CDIP1: variants seen among roughly 807,000 people sequenced by gnomAD.
The protein encoded by CDIP1 is cell death inducing p53 target 1, also known as cell death-inducing p53-target protein 1.
Under a neutral mutation model 17.7 loss-of-function variants are expected in CDIP1, and 9 were observed. The observed-to-expected ratio is 0.51, with a 90% confidence interval of 0.31 to 0.89. CDIP1 has a LOEUF of 0.89. Ranked by LOEUF, CDIP1 falls within the 40% of genes least tolerant of loss-of-function variation. The pLI, the probability that CDIP1 is intolerant of heterozygous loss-of-function variation, is 0.05. For missense variants in CDIP1, 263 were observed against 277.9 expected (o/e 0.95, Z 0.38); for synonymous variants, 117 against 109.5 (o/e 1.07, Z -0.43).
rs1284187298 is a variant in CDIP1 at position 4,510,801 on chromosome 16, C to G, written c.*1771G>C. ...TAGGGAAACTCTTTAAACTACTGAC[C>G]AAGACTGCCACCTTCATAATTCAGA... On this transcript the variant is annotated 3_prime_UTR_variant, in exon 6 of 6. Coordinates refer to ENST00000567695, the MANE Select transcript of CDIP1 (RefSeq NM_013399.3). 2 of 152,126 alleles carry G rather than the reference C, an allele frequency of 1.3e-5. No individual in the cohort carries two copies. The highest frequency in any genetic ancestry group is 2.9e-5 in the Non-Finnish European group (2 of 68,034). 9.4% of individuals were successfully genotyped at this position (152,126 alleles called of 1,614,324 possible). A position where few individuals can be genotyped will look rare whatever the true frequency, so the allele number is the denominator to read the frequency against.
At chr16:4,536,952 T>C (rs1395589043) in intron 1 of CDIP1, among the ~76,000 whole-genome samples, 2 of 152,036 alleles carry the variant, frequency 1.3e-5, no homozygotes, top group East Asian at 3.9e-4. Flanking sequence ...AATGAACCTT[T>C]GTAAGAGAAC....
chr16:4,512,985 GCCAGGGTAGGGC>G lies in CDIP1; in HGVS notation c.309_320del (p.Tyr105_Pro108del), dbSNP rs1436072920. On this transcript the variant is annotated inframe_deletion, in exon 5 of 6. Transcript: ENST00000567695. The surrounding 1 kb of genome is among the most constrained non-coding windows in gnomAD (Gnocchi z 4.6). ...GGACTGTGGCTGTGTGGCCCCCAGG[GCCAGGGTAGGGC>G]CCTGGCGTGTAGGGCCCTGGGGGGT... is the stretch of plus-strand genomic sequence containing the variant. 6.3e-7 allele frequency: 1 copy of G among 1,589,592 alleles called. No individual in the cohort carries two copies. Among genetic ancestry groups the G allele is most frequent in the East Asian group, 2.3e-5 (1 of 44,002 alleles).
intron 1 of CDIP1, among the ~76,000 whole-genome samples, chr16:4,525,236 G>A (rs1021585783): frequency 2.6e-5 from 4 of 152,200 alleles, no homozygotes; most frequent in Non-Finnish European, 5.9e-5. Context: ...CAGAGGCCAA[G>A]GCATGGGGAA....
intron 1 of CDIP1, among the ~76,000 whole-genome samples, chr16:4,519,061 A>C (rs1329919585): frequency 6.6e-6 from 1 of 152,170 alleles, no homozygotes; most frequent in Non-Finnish European, 1.5e-5. Context: ...TATTAATTGC[A>C]AACAAAATAG....
Position 4,512,910 on chromosome 16 carries a change from G to T in CDIP1, c.396C>A (p.Ile132=). Residue 132 remains isoleucine (I), a synonymous_variant, in exon 5 of 6, where the codon ATC becomes ATA. Transcript: ENST00000567695. This position sits in a 1 kb window ranked among gnomAD's most constrained non-coding sequence, Gnocchi z 4.6. The part of the protein sequence containing the change: ...ATTVTVLQGE[I]FEGAPVQTVC... ...CCGTCTGCACAGGCGCTCCCTCAAAGATCTCTCCCTGCAGCACTGTCACCG... is the reference window on the plus strand; with the variant it reads ...CCGTCTGCACAGGCGCTCCCTCAAATATCTCTCCCTGCAGCACTGTCACCG... The T allele has an allele frequency of 1.3e-6, 2 of 1,574,314 alleles. No individual in the cohort carries two copies. Among genetic ancestry groups the T allele is most frequent in the Non-Finnish European group, 8.6e-7 (1 of 1,159,824 alleles).
chr16:4,533,443 A>T lies in CDIP1; in HGVS notation c.-105+5259T>A, dbSNP rs554269567. On this transcript the variant is annotated intron_variant, in intron 1 of 5. Coordinates refer to ENST00000567695, the MANE Select transcript of CDIP1 (RefSeq NM_013399.3). ...AGCTTGGCTGCTGCTCTAGGCAGGA[A>T]CTCTGCTCTCCAGCCAGAGGACCCT... 6.6e-5 allele frequency: 10 copies of T among 152,256 alleles called. 1 individual carries two copies. The South Asian group carries it at 1.9e-3, about 28-fold the overall frequency. 9.4% of individuals were successfully genotyped at this position (152,256 alleles called of 1,614,324 possible). A position where few individuals can be genotyped will look rare whatever the true frequency, so the allele number is the denominator to read the frequency against.
chr16:4,538,773 T>C lies in CDIP1; in HGVS notation c.-176A>G, dbSNP rs1256914594. ...CCTCGGCAGCTGGCAGTCGCACTTC[T>C]GTCACAAGGAGGCGGGTAGACTTTG... On this transcript the variant is annotated 5_prime_UTR_variant, in exon 1 of 6. Coordinates refer to ENST00000567695, the MANE Select transcript of CDIP1 (RefSeq NM_013399.3). 6.6e-6 allele frequency: 1 copy of C among 152,058 alleles called. No homozygotes were observed. Among genetic ancestry groups the C allele is most frequent in the Non-Finnish European group, 1.5e-5 (1 of 68,028 alleles). The allele number at this position is 152,058 out of a possible 1,614,324, so 9.4% of individuals were successfully genotyped here.
At chr16:4,524,527 A>G (rs1283028395) in intron 1 of CDIP1, among the ~76,000 whole-genome samples, 1 of 152,182 alleles carries the variant, frequency 6.6e-6, no homozygotes, top group Non-Finnish European at 1.5e-5. Flanking sequence ...TGTCCAGACC[A>G]TAAGAAGGCA....
intron 1 of CDIP1, among the ~76,000 whole-genome samples, chr16:4,533,946 T>TG (rs1471214022): frequency 6.6e-6 from 1 of 152,134 alleles, no homozygotes; most frequent in Admixed American, 6.6e-5. Flanking sequence ...GTGGACCTCC[T>TG]GTGCCATTCT....
At chr16:4,535,390 A>G (rs1273863653) in intron 1 of CDIP1, among the ~76,000 whole-genome samples, 1 of 152,224 alleles carries the variant, frequency 6.6e-6, no homozygotes, top group Non-Finnish European at 1.5e-5. Context: ...ATGGTCCAGT[A>G]TTACCAAAAA....
intron 1 of CDIP1, among the ~76,000 whole-genome samples, chr16:4,531,861 T>C (rs2059059812): frequency 6.6e-6 from 1 of 152,258 alleles, no homozygotes; most frequent in African/African-American, 2.4e-5. Context: ...TCACATGCGT[T>C]CCATTTACAT....
Position 4,514,670 on chromosome 16 carries a change from T to G in CDIP1, c.-104-6A>C, listed in dbSNP as rs1365548761. 1 of 153,710 alleles carries G rather than the reference T, an allele frequency of 6.5e-6. No individual in the cohort carries two copies. The highest frequency in any genetic ancestry group is 2.4e-5 in the African/African-American group (1 of 41,498). 9.5% of individuals were successfully genotyped at this position (153,710 alleles called of 1,614,324 possible). On this transcript the variant is annotated splice_region_variant and splice_polypyrimidine_tract_variant and intron_variant, in intron 1 of 5. Transcript: ENST00000567695. The surrounding 1 kb of genome is among the most constrained non-coding windows in gnomAD (Gnocchi z 5.2). ...AACAGGCAGGGCTCCGGGAGCTGTTTCAGGGGAAGGAAAGGCAGGGCCCTC... is the reference window on the plus strand; with the variant it reads ...AACAGGCAGGGCTCCGGGAGCTGTTGCAGGGGAAGGAAAGGCAGGGCCCTC...
intron 1 of CDIP1, among the ~76,000 whole-genome samples, chr16:4,524,843 C>T (rs772564273): frequency 3.3e-5 from 5 of 152,156 alleles, no homozygotes; most frequent in Non-Finnish European, 7.3e-5. Context: ...GTGGCTCACA[C>T]CTGTAATTCC....
At position 4,520,658 on chromosome 16, in the gene CDIP1, A is replaced by G. The variant is rs115242382; in HGVS notation, c.-104-5994T>C. ...AATCACATTGCTGGTATCACTACCA[A>G]TGTCATTAAAGTCACTAAATATTGT... On this transcript the variant is annotated intron_variant, in intron 1 of 5. Transcript: ENST00000567695. Among the ~76,000 whole-genome samples, 481 of 152,308 alleles carry G rather than the reference A, an allele frequency of 3.2e-3. 4 individuals are homozygous for G. Among genetic ancestry groups the G allele is most frequent in the African/African-American group, 0.011 (455 of 41,570 alleles).
At chr16:4,520,226 C>T (rs1252715592) in intron 1 of CDIP1, among the ~76,000 whole-genome samples, 1 of 152,084 alleles carries the variant, frequency 6.6e-6, no homozygotes, top group Admixed American at 6.5e-5. Context: ...ATTCTCCTGC[C>T]TCAGCCTCCT....
chr16:4,516,244 G>C (rs137992783), intron 1 of CDIP1, among the ~76,000 whole-genome samples: 196 of 152,288 alleles, frequency 1.3e-3, no homozygotes, highest in African/African-American at 4.2e-3. Flanking sequence ...AAGTACATTA[G>C]TAGCTGTTTA....
chr16:4,516,003 T>C (rs1444447069), intron 1 of CDIP1, among the ~76,000 whole-genome samples: 1 of 152,128 alleles, frequency 6.6e-6, no homozygotes, highest in Non-Finnish European at 1.5e-5. Flanking sequence ...TGAATCATAA[T>C]AGCCAAAAAG....
chr16:4,523,100 C>G (rs1213526864), intron 1 of CDIP1, among the ~76,000 whole-genome samples: 6 of 152,342 alleles, frequency 3.9e-5, no homozygotes, highest in Non-Finnish European at 7.3e-5. Context: ...CAGGGCTGGG[C>G]TGAAGCACAG....
intron 1 of CDIP1, among the ~76,000 whole-genome samples, chr16:4,521,852 G>T (rs760762494): frequency 6.6e-6 from 1 of 152,152 alleles, no homozygotes; most frequent in Non-Finnish European, 1.5e-5. Flanking sequence ...ACCTCTCAGG[G>T]TGGGAGTGAG....
Sources: allele counts gnomAD v4.1 joint callset (sites outside exome capture counted in the v4.1 genomes callset), GRCh38; gene constraint gnomAD v4.1.1; non-coding constraint Gnocchi (gnomAD v3.1); transcripts MANE v1.5; gene names NCBI Gene and HGNC (gene_info 2026-07-23, HGNC 2026-07-21).